Variants in NOTCH4 observed in about 807,000 individuals in gnomAD.
NOTCH4 encodes notch receptor 4, also known as neurogenic locus notch homolog protein 4.
Under a neutral mutation model 189.0 loss-of-function variants are expected in NOTCH4, and 138 were observed. The observed-to-expected ratio is 0.73, with a 90% CI of 0.64 to 0.84. The LOEUF (loss-of-function observed/expected upper bound fraction) is 0.84, where lower values mean the gene tolerates loss of function less well. Ranked by LOEUF, NOTCH4 falls within the 40% of genes least tolerant of loss-of-function variation. The pLI is 0.00. For synonymous variants in NOTCH4, 942 were observed against 1,032.8 expected (o/e 0.91, Z 1.69); for missense variants, 2,286 against 2,605.4 (o/e 0.88, Z 2.67).
rs1582825609 is a variant in NOTCH4, at chr6:32,221,165, G to A, written c.612C>T (p.Pro204=). Residue 204 remains proline, a synonymous_variant, in exon 4 of 30, where the codon CCC becomes CCT. Transcript: ENST00000375023. The surrounding 1 kb of genome is among the most constrained non-coding windows in gnomAD (Gnocchi z 4.3). ...TATGGCAGGAGGTGCCTTTGGGGCA[G>A]GGTCCTGGGTCCTGGAAGCACTCGT... ...DVNECFQDPG[P]CPKGTSCHNT... is the part of the protein sequence containing the mutation. 1.9e-6 allele frequency: 3 copies of A among 1,613,098 alleles called. No individual in the cohort carries two copies. The highest frequency in any genetic ancestry group is 1.7e-6 in the Non-Finnish European group (2 of 1,180,036).
Position 32,221,267 on chromosome 6 carries a change from C to CGT in NOTCH4, c.509_510insAC (p.Cys171ArgfsTer82). 6.2e-7 allele frequency: 1 copy of CGT among 1,613,054 alleles called. No homozygotes were observed. Among genetic ancestry groups the CGT allele is most frequent in the Non-Finnish European group, 8.5e-7 (1 of 1,180,004 alleles). ...GGATCTGGGGGTATGTGGCCAGACACACCCCTCCATTAACACATGGGTTGG... is the reference window on the plus strand; with the variant it reads ...GGATCTGGGGGTATGTGGCCAGACACGTACCCCTCCATTAACACATGGGTTGG... On this transcript the variant is annotated frameshift_variant, in exon 4 of 30. Coordinates refer to ENST00000375023, the MANE Select transcript of NOTCH4 (RefSeq NM_004557.4). LOFTEE classifies it high-confidence loss of function. The surrounding 1 kb of genome is among the most constrained non-coding windows in gnomAD (Gnocchi z 4.3).
intron 17 of NOTCH4, 123 bp from the exon 18 acceptor site, chr6:32,211,059 G>A (rs1452437462): frequency 2.3e-6 from 2 of 869,348 alleles, no homozygotes; most frequent in Non-Finnish European, 3.4e-6. Context: ...AGGAGTGTGA[G>A]ACCAGCCTGG....
In NOTCH4 at chr6:32,195,966, C is replaced by T. The variant is rs2127458850; in HGVS notation, c.5483G>A (p.Arg1828His). The change falls in exon 30 of 30, where the codon CGT becomes CAT. Residue 1828 changes from arginine to histidine, a missense_variant. Physicochemically the swap from Arg to His is conservative, Grantham distance 29. Around this residue, in one of 2 missense-constraint regions of NOTCH4, gnomAD observed 383 missense variants for 343.5 expected, o/e 1.11. Coordinates refer to ENST00000375023, the MANE Select transcript of NOTCH4 (RefSeq NM_004557.4). This position sits in a 1 kb window ranked among gnomAD's most constrained non-coding sequence, Gnocchi z 5.4. Reference protein sequence around the residue: ...LLEGAGPPEARHKATPGREAG... With the variant: ...LLEGAGPPEAHHKATPGREAG... Reference sequence around the variant, plus strand: ...CTCGCGGCCCGGCGTGGCTTTGTGACGGGCCTCTGGTGGCCCAGCCCCTTC... The same window carrying T: ...CTCGCGGCCCGGCGTGGCTTTGTGATGGGCCTCTGGTGGCCCAGCCCCTTC... 1 of 1,596,590 alleles carries T rather than the reference C, an allele frequency of 6.3e-7. No individual in the cohort carries two copies. Among genetic ancestry groups the T allele is most frequent in the Non-Finnish European group, 8.5e-7 (1 of 1,178,234 alleles).
At chr6:32,219,878 T>A in intron 7 of NOTCH4, 92 bp from the exon 8 acceptor site, 2 of 1,128,980 alleles carry the variant, frequency 1.8e-6, no homozygotes, top group Middle Eastern at 2.8e-4. Context: ...GGCCTGCGTG[T>A]GGCAGACGAG....
chr6:32,209,837 T>C (rs9267831), intron 18 of NOTCH4, among the ~76,000 whole-genome samples: 40,315 of 151,118 alleles, frequency 0.27, 5,696 homozygotes, highest in Middle Eastern at 0.41. Context: ...GAGCCAAGAT[T>C]ATGCCACTGC....
intron 17 of NOTCH4, among the ~76,000 whole-genome samples, chr6:32,211,764 TC>T (rs1253521409): frequency 6.6e-6 from 1 of 152,266 alleles, no homozygotes; most frequent in African/African-American, 2.4e-5. Context: ...AGTTAATAAC[TC>T]CTGGCACTGA....
chr6:32,202,705 A>G lies in NOTCH4; in HGVS notation c.3232-106T>C. 9.1e-7 allele frequency: 1 copy of G among 1,096,286 alleles called. No individual in the cohort carries two copies. Among genetic ancestry groups the G allele is most frequent in the South Asian group, 1.8e-5 (1 of 55,682 alleles). 67.9% of individuals were successfully genotyped at this position (1,096,286 alleles called of 1,614,324 possible). The stretch of plus-strand genomic sequence containing the variant: ...ACGGTGCAGAGGGTCCTAGATTCTC[A>G]TATCTAAAAGGCGCCTCAGAGAGCA... On this transcript the variant is annotated intron_variant, in intron 20 of 29. Transcript: ENST00000375023. This position sits in a 1 kb window ranked among gnomAD's most constrained non-coding sequence, Gnocchi z 5.7.
At chr6:32,196,831 G>T (rs1787970076) in intron 28 of NOTCH4, 94 bp downstream of exon 28, 2 of 1,463,590 alleles carry the variant, frequency 1.4e-6, no homozygotes, top group Non-Finnish European at 1.9e-6. Flanking sequence ...GGATGAGAGG[G>T]AATGCCCCTC....
rs753273555 is a variant in NOTCH4, at chr6:32,223,902, C to T, written c.27G>A (p.Leu9=). 5 of 1,583,588 alleles carry T rather than the reference C, an allele frequency of 3.2e-6. No homozygotes were observed. Among genetic ancestry groups the T allele is most frequent in the Middle Eastern group, 1.7e-4 (1 of 5,974 alleles). The part of the protein sequence containing the change: MQPPSLLL[L]LLLLLLLCVS... ...CACATAGCAGCAGCAGCAGCAGCAG[C>T]AGCAGCAGCAGTGAAGGGGGCTGCA... Residue 9 remains leucine (L), a synonymous_variant, in exon 1 of 30, where the codon CTG becomes CTA. Coordinates refer to ENST00000375023, the MANE Select transcript of NOTCH4 (RefSeq NM_004557.4).
In NOTCH4 at chr6:32,221,104, C is replaced by A. The variant is rs1452639307; in HGVS notation, c.673G>T (p.Gly225Trp). 5.0e-6 allele frequency: 8 copies of A among 1,613,022 alleles called. No individual in the cohort carries two copies. The Middle Eastern group carries it at 9.9e-4, about 199-fold the overall frequency. Reference sequence around the variant, plus strand: ...AGCTCACAACGTGGACCCTCCTGCCCCACAGGGCAGAGGCACTGGAAGGAG... The same window carrying A: ...AGCTCACAACGTGGACCCTCCTGCCACACAGGGCAGAGGCACTGGAAGGAG... Reference protein sequence around the residue: ...LGSFQCLCPVGQEGPRCELRA... With the variant: ...LGSFQCLCPVWQEGPRCELRA... Residue 225 changes from glycine (G) to tryptophan (W), a missense_variant, in exon 4 of 30, where the codon GGG becomes TGG. Around this residue, in one of 2 missense-constraint regions of NOTCH4, gnomAD observed 1,903 missense variants for 2,261.9 expected, o/e 0.84. Coordinates refer to ENST00000375023, the MANE Select transcript of NOTCH4 (RefSeq NM_004557.4). This position sits in a 1 kb window ranked among gnomAD's most constrained non-coding sequence, Gnocchi z 4.3.
Position 32,223,923 on chromosome 6 carries a change from C to A in NOTCH4, c.6G>T (p.Gln2His), listed in dbSNP as rs746814466. 2 of 1,573,346 alleles carry A rather than the reference C, an allele frequency of 1.3e-6. No homozygotes were observed. Among genetic ancestry groups the A allele is most frequent in the Non-Finnish European group, 1.7e-6 (2 of 1,155,208 alleles). M[Q>H]PPSLLLLLLL... Reference sequence around the variant, plus strand: ...GCAGCAGCAGCAGCAGTGAAGGGGGCTGCATTCCACAGCCCCTTCTCCAAG... The same window carrying A: ...GCAGCAGCAGCAGCAGTGAAGGGGGATGCATTCCACAGCCCCTTCTCCAAG... Residue 2 changes from glutamine (Q) to histidine (H), a missense_variant, in exon 1 of 30, where the codon CAG (glutamine) becomes CAT (histidine). Around this residue, in one of 2 missense-constraint regions of NOTCH4, gnomAD observed 1,903 missense variants for 2,261.9 expected, o/e 0.84. Transcript: ENST00000375023.
rs150089454 is a variant in NOTCH4 at position 32,195,529 on chromosome 6, G to A, written c.5920C>T (p.Pro1974Ser). ...NIPIPPPCLT[P>S]SPERGSPQLD... is the part of the protein sequence containing the mutation. Reference sequence around the variant, plus strand: ...TGAGGTGATCCCCGCTCCGGGGACGGAGTAAGGCAAGGAGGCGGGATCGGA... The same window carrying A: ...TGAGGTGATCCCCGCTCCGGGGACGAAGTAAGGCAAGGAGGCGGGATCGGA... The change falls in exon 30 of 30, where the codon CCG (proline) becomes TCG (serine). Residue 1974 changes from proline (P) to serine (S), a missense_variant. Pro to Ser is a moderately conservative substitution (Grantham distance 74). Coordinates refer to ENST00000375023, the MANE Select transcript of NOTCH4 (RefSeq NM_004557.4). This position sits in a 1 kb window ranked among gnomAD's most constrained non-coding sequence, Gnocchi z 5.4. 8.9e-5 allele frequency: 143 copies of A among 1,612,994 alleles called. No individual in the cohort carries two copies. Among genetic ancestry groups the A allele is most frequent in the Admixed American group, 1.2e-4 (7 of 60,014 alleles).
chr6:32,223,478 G>C (rs889029769), intron 1 of NOTCH4, among the ~76,000 whole-genome samples: 8 of 152,060 alleles, frequency 5.3e-5, no homozygotes, highest in African/African-American at 1.9e-4. Context: ...GACTAAGAAA[G>C]GGCTTAGTAG....
chr6:32,197,370 T>A lies in NOTCH4; in HGVS notation c.4981A>T (p.Asn1661Tyr), dbSNP rs758763960. ...RRLLEAGANP[N>Y]QPDRAGRTPL... ...GTGCGCCCTGCCCGGTCTGGCTGGT[T>A]GGGGTTGGCTCCAGCCTCAAGGAGG... is the stretch of plus-strand genomic sequence containing the variant. The change falls in exon 27 of 30, where the codon AAC becomes TAC. Residue 1661 changes from asparagine (N) to tyrosine (Y), a missense_variant. Asn to Tyr is a moderately radical substitution (Grantham distance 143). This residue lies in a region of NOTCH4 where 1,903 missense variants were observed against 2,261.9 expected (regional missense o/e 0.84). Transcript: ENST00000375023. The A allele has an allele frequency of 9.8e-6, 15 of 1,535,726 alleles. No individual in the cohort carries two copies. Among genetic ancestry groups the A allele is most frequent in the Non-Finnish European group, 1.3e-5 (15 of 1,142,420 alleles).
intron 1 of NOTCH4, among the ~76,000 whole-genome samples, chr6:32,223,651 C>T (rs115601017): frequency 6.6e-6 from 1 of 151,960 alleles, no homozygotes; most frequent in African/African-American, 2.4e-5. Flanking sequence ...ACCCATCCCC[C>T]AGCAGTCACC....
In NOTCH4 at chr6:32,217,244, C is replaced by T. The variant is rs2127483298; in HGVS notation, c.1647G>A (p.Glu549=). Residue 549 remains glutamate, a synonymous_variant, in exon 10 of 30, where the codon GAG becomes GAA. Coordinates refer to ENST00000375023, the MANE Select transcript of NOTCH4 (RefSeq NM_004557.4). The surrounding 1 kb of genome is among the most constrained non-coding windows in gnomAD (Gnocchi z 4.2). ...CLPGFSGTRC[E]EDIDECRSSP... ...AGCTTCTGCACTCATCGATATCCTC[C>T]TCACATCGGGTGCCGGAGAATCCTG... The T allele has an allele frequency of 2.5e-6, 4 of 1,612,930 alleles. No individual in the cohort carries two copies. The highest frequency in any genetic ancestry group is 3.4e-6 in the Non-Finnish European group (4 of 1,179,892).
intron 7 of NOTCH4, 99 bp from the exon 8 acceptor site, chr6:32,219,885 C>T (rs1019370541): frequency 1.3e-5 from 14 of 1,043,922 alleles, no homozygotes; most frequent in Admixed American, 5.2e-5. Context: ...GTGTGGCAGA[C>T]GAGACCAAAT....
intron 4 of NOTCH4, 45 bp downstream of exon 4, chr6:32,220,933 C>T (rs200652736): frequency 1.7e-4 from 264 of 1,597,728 alleles, no homozygotes; most frequent in Non-Finnish European, 1.9e-4. Flanking sequence ...ACATCCTGCC[C>T]TGCCCAGAGA....
intron 18 of NOTCH4, among the ~76,000 whole-genome samples, chr6:32,205,837 G>C (rs185444281): frequency 1.9e-3 from 282 of 152,038 alleles, no homozygotes; most frequent in African/African-American, 6.4e-3. Context: ...AGACCAGCCT[G>C]GCCAACATGG....
Sources: gnomAD v4.1 joint callset for allele counts (sites outside exome capture counted in the v4.1 genomes callset) on GRCh38, gnomAD v4.1.1 for gene constraint, gnomAD v4.1.1 regional missense constraint, Gnocchi (gnomAD v3.1) non-coding constraint, MANE v1.5 for transcripts, NCBI Gene and HGNC (gene_info 2026-07-23, HGNC 2026-07-21) for gene names.